Variants in CTBP2 observed in about 807,000 individuals in gnomAD.
CTBP2 encodes the protein C-terminal-binding protein 2.
In CTBP2, 30 loss-of-function variants were observed where a neutral mutation model predicts 80.3. That is an observed-to-expected ratio of 0.37 (90% CI 0.28 to 0.51). The LOEUF is 0.51. Ranked by LOEUF, CTBP2 falls within the 20% of genes least tolerant of loss-of-function variation. CTBP2 has a pLI of 0.93. For missense variants in CTBP2, 1,212 were observed against 1,375.3 expected, an observed-to-expected ratio of 0.88 and a Z score of 1.88; for synonymous variants, 594 against 587.4, an observed-to-expected ratio of 1.01 and a Z score of -0.16.
At chr10:125,048,974 T>C (rs1380664168) in intron 2 of CTBP2, among the ~76,000 whole-genome samples, 1 of 151,816 alleles carries the variant, frequency 6.6e-6, no homozygotes, top group Non-Finnish European at 1.5e-5. Context: ...TTTCCAACTT[T>C]CCCCAGGAAT....
chr10:125,001,647 T>G (rs1954523062), intron 3 of CTBP2, among the ~76,000 whole-genome samples: 1 of 152,148 alleles, frequency 6.6e-6, no homozygotes, highest in Non-Finnish European at 1.5e-5. Flanking sequence ...CTCTCTCTCC[T>G]TCCCTGGCCT....
intron 2 of CTBP2, among the ~76,000 whole-genome samples, chr10:125,050,723 C>T (rs1221729089): frequency 5.9e-5 from 9 of 152,238 alleles, no homozygotes; most frequent in East Asian, 1.9e-4. Flanking sequence ...CTTCCAGTCC[C>T]GGTCTCCAGG....
intron 1 of CTBP2, among the ~76,000 whole-genome samples, chr10:125,011,643 G>A (rs1315184969): frequency 1.3e-5 from 2 of 152,222 alleles, no homozygotes; most frequent in African/African-American, 4.8e-5. Flanking sequence ...ACCCTAGAAA[G>A]ACAAGCACGT....
At chr10:125,133,557 A>C (rs922215243) in intron 1 of CTBP2, 2 of 152,230 alleles carry the variant, frequency 1.3e-5, no homozygotes, top group Non-Finnish European at 2.9e-5. Context: ...AGGCAGGGCC[A>C]CCTCTTCGGA....
In CTBP2 at chr10:125,003,510, G is replaced by T; in HGVS notation, c.1679-18C>A. The T allele has an allele frequency of 6.5e-7, 1 of 1,534,070 alleles. No individual in the cohort carries two copies. Among genetic ancestry groups the T allele is most frequent in the Non-Finnish European group, 8.7e-7 (1 of 1,143,346 alleles). ...GCGGATACCTGCCAGGAGGGAAGGG[G>T]TGAGCACAGTGGGTGGGTGGCTGGG... On this transcript the variant is annotated intron_variant, in intron 1 of 8. Coordinates refer to ENST00000309035, the MANE Select transcript of CTBP2 (RefSeq NM_022802.3).
Position 125,077,041 on chromosome 10 carries a change from T to C in CTBP2, c.-102+33949A>G, listed in dbSNP as rs1309258281. 3.9e-5 allele frequency among the ~76,000 whole-genome samples: 6 copies of C among 152,308 alleles called. No individual in the cohort carries two copies. The East Asian group carries it at 1.2e-3, about 29-fold the overall frequency. ...CAGGTCAGGCCAACTGATGTGTGTG[T>C]CCAGATGCGCCACGCCTCCATTTTG... On this transcript the variant is annotated intron_variant, in intron 2 of 10. Coordinates refer to the CTBP2 transcript ENST00000337195.
At chr10:125,039,117 A>G in exon 3 of CTBP2, 1 of 1,467,398 alleles carries the variant, frequency 6.8e-7, no homozygotes, top group Non-Finnish European at 9.4e-7. Flanking sequence ...AACTTAGGGG[A>G]ACTTGCAGGA....
intron 3 of CTBP2, among the ~76,000 whole-genome samples, chr10:125,033,797 G>C (rs1265612664): frequency 6.6e-6 from 1 of 152,124 alleles, no homozygotes; most frequent in Non-Finnish European, 1.5e-5. Context: ...CAGGCACTGA[G>C]AGTAAAGCCC....
chr10:125,093,913 G>C (rs535224564), intron 2 of CTBP2, among the ~76,000 whole-genome samples: 10 of 152,254 alleles, frequency 6.6e-5, no homozygotes, highest in African/African-American at 2.4e-4. Flanking sequence ...GAAAATAATT[G>C]AATTAAAGAG....
intron 1 of CTBP2, among the ~76,000 whole-genome samples, chr10:125,155,772 G>C (rs987807956): frequency 6.6e-6 from 1 of 152,086 alleles, no homozygotes; most frequent in African/African-American, 2.4e-5. Flanking sequence ...AGATGAGGTG[G>C]GGAGGAGAAG....
intron 1 of CTBP2, among the ~76,000 whole-genome samples, chr10:125,124,285 C>T (rs577059240): frequency 6.0e-4 from 92 of 152,316 alleles, no homozygotes; most frequent in Admixed American, 1.3e-3. Flanking sequence ...GCCTCCCCTG[C>T]TGCCTCCCTT....
At chr10:125,133,912 C>G (rs1406626549) in intron 1 of CTBP2, among the ~76,000 whole-genome samples, 9 of 152,214 alleles carry the variant, frequency 5.9e-5, no homozygotes. Flanking sequence ...ATGGCAGGCA[C>G]TTCCTAACCA....
intron 1 of CTBP2, among the ~76,000 whole-genome samples, chr10:125,025,157 T>C (rs1957410888): frequency 1.3e-5 from 2 of 149,602 alleles, no homozygotes; most frequent in Admixed American, 1.4e-4. Context: ...AAAAAAAAAA[T>C]CATTTGAAAA....
intron 1 of CTBP2, among the ~76,000 whole-genome samples, chr10:125,128,210 G>C (rs774243082): frequency 3.3e-5 from 5 of 152,152 alleles, no homozygotes; most frequent in Non-Finnish European, 7.4e-5. Flanking sequence ...GACAGCATGT[G>C]CTACCATGTG....
intron 1 of CTBP2, among the ~76,000 whole-genome samples, chr10:125,140,948 T>A (rs1040018029): frequency 9.9e-5 from 15 of 152,074 alleles, no homozygotes; most frequent in African/African-American, 3.6e-4. Context: ...GAGACCAGCC[T>A]GGCCAACATG....
chr10:125,057,376 C>T (rs1038555473), intron 2 of CTBP2, among the ~76,000 whole-genome samples: 6 of 152,172 alleles, frequency 3.9e-5, no homozygotes, highest in Non-Finnish European at 7.3e-5. Flanking sequence ...ACAACAAAAA[C>T]CCCTTTCAAT....
intron 2 of CTBP2, among the ~76,000 whole-genome samples, chr10:125,084,966 C>T (rs1233295547): frequency 1.3e-5 from 2 of 152,214 alleles, no homozygotes; most frequent in Non-Finnish European, 2.9e-5. Context: ...TGAACATTTC[C>T]CCCAGCTCTA....
intron 1 of CTBP2, among the ~76,000 whole-genome samples, chr10:125,007,057 G>C (rs911965999): frequency 6.6e-6 from 1 of 152,214 alleles, no homozygotes; most frequent in Admixed American, 6.5e-5. Context: ...TGCGGACGAG[G>C]GTCACAGGGC....
At chr10:124,992,602 G>A (rs1207095754) in intron 8 of CTBP2, 93 bp downstream of exon 10, 7 of 777,086 alleles carry the variant, frequency 9.0e-6, no homozygotes, top group South Asian at 3.5e-5. Flanking sequence ...TAGCATCTGC[G>A]GGAGGTTAAG....
Sources: allele counts gnomAD v4.1 joint callset (sites outside exome capture counted in the v4.1 genomes callset), GRCh38; gene constraint gnomAD v4.1.1; transcripts MANE v1.5; gene names NCBI Gene and HGNC (gene_info 2026-07-23, HGNC 2026-07-21).